The following DEAF1 variants were observed in gnomAD, a reference collection of about 807,000 sequenced individuals.
The protein encoded by DEAF1 is DEAF1 transcription factor, also known as deformed epidermal autoregulatory factor 1 homolog.
DEAF1 carries 53 observed loss-of-function variants against 58.9 expected under a neutral mutation model. That is an observed-to-expected ratio of 0.90 (90% confidence interval 0.72 to 1.13). The LOEUF (loss-of-function observed/expected upper bound fraction) is 1.13, where lower values mean the gene tolerates loss of function less well. Ranked by LOEUF, DEAF1 falls within the 50% of genes most tolerant of loss-of-function variation. The pLI is 0.00. For missense variants in DEAF1, 685 were observed against 791.4 expected, an observed-to-expected ratio of 0.87 and a Z score of 1.61; for synonymous variants, 385 against 340.4, an observed-to-expected ratio of 1.13 and a Z score of -1.44.
upstream of DEAF1, among the ~76,000 whole-genome samples, chr11:698,421 G>C (rs1282397518): frequency 6.6e-6 from 1 of 152,238 alleles, no homozygotes; most frequent in Non-Finnish European, 1.5e-5. Context: ...TCAGAGGAAA[G>C]CAAATGTCTC....
exon 1 of DEAF1, among the ~76,000 whole-genome samples, chr11:707,002 G>A (rs1371918058): frequency 6.6e-6 from 1 of 151,978 alleles, no homozygotes; most frequent in East Asian, 1.9e-4. Flanking sequence ...GTCCCTGGTG[G>A]CAGGGGAGGG....
In DEAF1 at chr11:691,497, T is replaced by C; in HGVS notation, c.387+4A>G. On this transcript the variant is annotated splice_donor_region_variant and intron_variant, in intron 2 of 11. Coordinates refer to ENST00000382409, the MANE Select transcript of DEAF1 (RefSeq NM_021008.4). Reference sequence around the variant, plus strand: ...CCTGGGCTGTGCCCCTCGGAGCAGCTTACCAGAACATGTCCTGAGATGGAT... The same window carrying C: ...CCTGGGCTGTGCCCCTCGGAGCAGCCTACCAGAACATGTCCTGAGATGGAT... The C allele has an allele frequency of 1.2e-6, 2 of 1,611,984 alleles. No homozygotes were observed. Among genetic ancestry groups the C allele is most frequent in the Non-Finnish European group, 1.7e-6 (2 of 1,179,950 alleles).
chr11:657,402 C>T (rs1284280582), intron 10 of DEAF1, among the ~76,000 whole-genome samples: 2 of 152,186 alleles, frequency 1.3e-5, no homozygotes, highest in East Asian at 3.8e-4. Context: ...GGGCCAAGGA[C>T]AGATGGTGTG....
intron 1 of DEAF1, chr11:704,230 G>A (rs1861624263): frequency 6.9e-6 from 6 of 868,900 alleles, no homozygotes; most frequent in East Asian, 6.6e-5. Context: ...GGCTGGCCTC[G>A]CCCTCGGGCC....
intron 10 of DEAF1, among the ~76,000 whole-genome samples, chr11:656,088 C>T (rs571328311): frequency 1.1e-4 from 16 of 151,990 alleles, no homozygotes; most frequent in Non-Finnish European, 1.9e-4. Flanking sequence ...CCTGAGTCGG[C>T]CCCCCAAAGT....
chr11:669,927 CAAAAAAAAAAAAA>C (rs59541099), intron 10 of DEAF1, among the ~76,000 whole-genome samples: 1 of 86,906 alleles, frequency 1.2e-5, no homozygotes, highest in Non-Finnish European at 2.2e-5. Context: ...GAGACTGTCT[CAAAAAAAAAAAAA>C]AAAAAAAAAA....
chr11:671,208 G>A (rs1014275702), intron 10 of DEAF1, among the ~76,000 whole-genome samples: 5 of 151,214 alleles, frequency 3.3e-5, no homozygotes, highest in Admixed American at 3.3e-4. Context: ...GATTACAGGC[G>A]TGAGCCACCG....
rs185337383 is a variant in DEAF1, at chr11:704,630, G to T, written c.-438+1942C>A. ...ACCCCCTCCCTGAAGCTGGAGACCT[G>T]TTGCCTTCATGGTTAATGGATCCTG... On this transcript the variant is annotated intron_variant, in intron 1 of 11. Transcript: ENST00000683307. 156 of 1,289,348 alleles carry T rather than the reference G, an allele frequency of 1.2e-4. 2 individuals are homozygous for T. The East Asian group carries it at 5.5e-3, about 45-fold the overall frequency. The allele number at this position is 1,289,348 out of a possible 1,614,324, so 79.9% of individuals were successfully genotyped here.
At chr11:695,485 C>A, upstream of DEAF1, 1 of 743,562 alleles carries the variant, frequency 1.3e-6, no homozygotes, top group Non-Finnish European at 1.8e-6. Context: ...TTCTCGCCGG[C>A]GGCCGGCGCA....
chr11:691,375 C>G, intron 2 of DEAF1, 126 bp downstream of exon 2: 2 of 854,714 alleles, frequency 2.3e-6, no homozygotes, highest in Admixed American at 2.0e-5. Flanking sequence ...CGAGCCAGTG[C>G]GTCCCTCCCC....
chr11:668,836 T>G (rs1333235005), intron 10 of DEAF1, among the ~76,000 whole-genome samples: 1 of 150,722 alleles, frequency 6.6e-6, no homozygotes, highest in East Asian at 1.9e-4. Context: ...AAGTTTTTTG[T>G]TTTTTTTTAG....
At chr11:665,370 G>T (rs1399865537) in intron 10 of DEAF1, among the ~76,000 whole-genome samples, 2 of 152,196 alleles carry the variant, frequency 1.3e-5, no homozygotes, top group African/African-American at 4.8e-5. Context: ...TTCAAGTAAT[G>T]GCTTTATGAA....
chr11:695,600 C>T (rs1316700372), upstream of DEAF1: 8 of 1,243,244 alleles, frequency 6.4e-6, no homozygotes, highest in Admixed American at 4.2e-5. Context: ...CGAATGTCCC[C>T]GAGGCCGAAT....
In DEAF1 at chr11:644,454, C is replaced by T; in HGVS notation, c.*96G>A. The T allele has an allele frequency of 1.1e-6, 1 of 905,364 alleles. No individual in the cohort carries two copies. Among genetic ancestry groups the T allele is most frequent in the Non-Finnish European group, 1.8e-6 (1 of 567,356 alleles). The allele number at this position is 905,364 out of a possible 1,614,324, so 56.1% of individuals were successfully genotyped here. ...TTCTTTACCTTCCCACACCCCTCTTCTCAACGTCCCCCCAGAGTCCTCAGG... is the reference window on the plus strand; with the variant it reads ...TTCTTTACCTTCCCACACCCCTCTTTTCAACGTCCCCCCAGAGTCCTCAGG... On this transcript the variant is annotated 3_prime_UTR_variant, in exon 12 of 12. Coordinates refer to ENST00000382409, the MANE Select transcript of DEAF1 (RefSeq NM_021008.4). This position sits in a 1 kb window ranked among gnomAD's most constrained non-coding sequence, Gnocchi z 4.3.
intron 2 of DEAF1, among the ~76,000 whole-genome samples, chr11:690,039 T>C (rs1434243170): frequency 6.6e-6 from 1 of 151,158 alleles, no homozygotes; most frequent in Non-Finnish European, 1.5e-5. Flanking sequence ...ATAAGCCAAG[T>C]TTCTGGGCTG....
chr11:698,563 C>T (rs1035793779), upstream of DEAF1, among the ~76,000 whole-genome samples: 8 of 152,288 alleles, frequency 5.3e-5, no homozygotes, highest in African/African-American at 1.7e-4. Context: ...GGGGTGGGCT[C>T]CAGGGTGCTG....
chr11:655,827 ATTTATT>A (rs1054097847), intron 10 of DEAF1, among the ~76,000 whole-genome samples: 1 of 123,332 alleles, frequency 8.1e-6, no homozygotes, highest in Non-Finnish European at 1.9e-5. Context: ...TACTTTATTT[ATTTATT>A]ATTATTATTA....
intron 1 of DEAF1, chr11:702,933 T>C: frequency 1.1e-5 from 18 of 1,598,472 alleles, no homozygotes; most frequent in Non-Finnish European, 1.5e-5. Context: ...TCCCCTTTGC[T>C]CTGTTCTCCA....
chr11:703,899 T>C (rs183708275), intron 1 of DEAF1: 1 of 1,240,384 alleles, frequency 8.1e-7, no homozygotes, highest in East Asian at 3.1e-5. Context: ...TCCAGTTTTA[T>C]CAGCTTTTGC....
Sources: allele counts gnomAD v4.1 joint callset (sites outside exome capture counted in the v4.1 genomes callset), GRCh38; gene constraint gnomAD v4.1.1; non-coding constraint Gnocchi (gnomAD v3.1); transcripts MANE v1.5; gene names NCBI Gene and HGNC (gene_info 2026-07-23, HGNC 2026-07-21).